RIF1: variants seen among roughly 807,000 people sequenced by gnomAD.
RIF1 encodes the protein telomere-associated protein RIF1.
Under a neutral mutation model 247.1 loss-of-function variants are expected in RIF1, and 45 were observed. That is an observed-to-expected ratio of 0.18 (90% CI 0.14 to 0.23). The LOEUF is 0.23. Ranked by LOEUF, RIF1 falls within the 10% of genes least tolerant of loss-of-function variation. The pLI, the probability that RIF1 is intolerant of heterozygous loss-of-function variation, is 1.00. For missense variants in RIF1, 2,967 were observed against 2,862.5 expected (o/e 1.04, Z -0.83); for synonymous variants, 1,087 against 978.8 (o/e 1.11, Z -2.06).
intron 20 of RIF1, among the ~76,000 whole-genome samples, chr2:151,451,304 G>T (rs905037941): frequency 1.3e-5 from 2 of 152,174 alleles, no homozygotes; most frequent in African/African-American, 4.8e-5. Context: ...ACCTATACAG[G>T]TGCCTAGGCT....
rs766970127 is a variant in RIF1, at chr2:151,474,954, T to C, written c.7302T>C (p.His2434=). Residue 2434 remains histidine, a synonymous_variant, in exon 36 of 36, where the codon CAT becomes CAC. Transcript: ENST00000444746. ...LALQLDSEDL[H]NYSGSQLFEM... ...TTCAGCTGGATTCAGAAGATCTTCA[T>C]AATTATTCAGGAAGCCAACTATTTG... 30 of 1,611,926 alleles carry C rather than the reference T, an allele frequency of 1.9e-5. No homozygotes were observed. The highest frequency in any genetic ancestry group is 2.3e-5 in the Non-Finnish European group (27 of 1,178,204).
chr2:151,471,264 T>C (rs1439048570), intron 34 of RIF1, among the ~76,000 whole-genome samples: 1 of 152,198 alleles, frequency 6.6e-6, no homozygotes, highest in Admixed American at 6.5e-5. Flanking sequence ...AGATTCTGGA[T>C]ATTAGCCTTT....
At chr2:151,490,847 C>T (rs1039962026) in intron 9 of RIF1, among the ~76,000 whole-genome samples, 8 of 152,198 alleles carry the variant, frequency 5.3e-5, no homozygotes, top group African/African-American at 1.7e-4. Flanking sequence ...CACATTCAGA[C>T]TCCATCTTTA....
chr2:151,410,538 C>T lies in RIF1; in HGVS notation c.104+11C>T, dbSNP rs761972633. 6.2e-6 allele frequency: 10 copies of T among 1,608,412 alleles called. No homozygotes were observed. The South Asian group carries it at 8.8e-5, about 14-fold the overall frequency. On this transcript the variant is annotated intron_variant, in intron 2 of 35. Transcript: ENST00000444746. ...CCTGACTCTGACCAGGTGAGGTCCG[C>T]CACGGGGCGTAGCGGAGAGTGGGGC...
rs139632537 is a variant in RIF1, at chr2:151,476,115, T to C, written c.*1044T>C. On this transcript the variant is annotated 3_prime_UTR_variant, in exon 36 of 36. Transcript: ENST00000444746. ...TTCATACCCTTACCTTCTTACTACT[T>C]TTGGTTTGGAGGAGGGTATCACCAC... 6.6e-6 allele frequency: 1 copy of C among 152,060 alleles called. No homozygotes were observed. Among genetic ancestry groups the C allele is most frequent in the Non-Finnish European group, 1.5e-5 (1 of 68,006 alleles). 9.4% of individuals were successfully genotyped at this position (152,060 alleles called of 1,614,324 possible). A position where few individuals can be genotyped will look rare whatever the true frequency, so the allele number is the denominator to read the frequency against.
chr2:151,443,174 A>C (rs1372325773), intron 16 of RIF1, 85 bp from the exon 17 acceptor site: 2 of 890,972 alleles, frequency 2.2e-6, no homozygotes, highest in African/African-American at 3.4e-5. Flanking sequence ...ATGCTAAAAC[A>C]ATTTTATTTC....
chr2:151,452,946 G>T (rs1414840230), intron 21 of RIF1, among the ~76,000 whole-genome samples: 1 of 152,164 alleles, frequency 6.6e-6, no homozygotes. Context: ...TAAAATTTGG[G>T]TAATGGGGAG....
intron 10 of RIF1, chr2:151,496,924 T>C (rs956944109): frequency 1.9e-6 from 3 of 1,548,276 alleles, no homozygotes; most frequent in Non-Finnish European, 2.6e-6. Context: ...AGTTTTTTTC[T>C]TTTCTTGCCC....
At chr2:151,493,100 T>G in intron 9 of RIF1, 1 of 407,886 alleles carries the variant, frequency 2.5e-6, no homozygotes. Flanking sequence ...AGGAAAACAT[T>G]GGCAATTAAC....
chr2:151,463,336 T>C lies in RIF1; in HGVS notation c.3816T>C (p.Phe1272=). 1 of 1,613,828 alleles carries C rather than the reference T, an allele frequency of 6.2e-7. No homozygotes were observed. The highest frequency in any genetic ancestry group is 8.5e-7 in the Non-Finnish European group (1 of 1,179,944). ...LPKAKQREGT[F]SKSDSEKIVN... ...AAGCAAAGCAAAGAGAAGGGACTTT[T>C]TCAAAATCTGATTCTGAAAAAATAG... is the stretch of plus-strand genomic sequence containing the variant. The change falls in exon 30 of 36, where the codon TTT becomes TTC. Residue 1272 remains phenylalanine (F), a synonymous_variant. Coordinates refer to ENST00000444746, the MANE Select transcript of RIF1 (RefSeq NM_018151.5).
Position 151,463,063 on chromosome 2 carries a change from G to A in RIF1, c.3543G>A (p.Arg1181=). Residue 1181 remains arginine (R), a synonymous_variant, in exon 30 of 36, where the codon AGG becomes AGA. Coordinates refer to ENST00000444746, the MANE Select transcript of RIF1 (RefSeq NM_018151.5). ...GAAAAAAAGCTTTAATTTCATCAAG[G>A]AAAACATCAACTGAATGTGCATCTA... is the stretch of plus-strand genomic sequence containing the variant. ...DERKKALISS[R]KTSTECASST... is the part of the protein sequence containing the mutation. 2 of 1,613,870 alleles carry A rather than the reference G, an allele frequency of 1.2e-6. No individual in the cohort carries two copies. The highest frequency in any genetic ancestry group is 1.7e-6 in the Non-Finnish European group (2 of 1,179,932).
rs146171124 is a variant in RIF1 at position 151,456,602 on chromosome 2, T to C, written c.2634T>C (p.Tyr878=). The part of the protein sequence containing the change: ...NSKLDEVPKV[Y]SCLNNKLEKL... ...GGCTTGATGAAGTTCCTAAAGTATA[T>C]AGTTGTCTGAACAACAAGGTAAAAA... Residue 878 remains tyrosine (Y), a synonymous_variant, in exon 23 of 36, where the codon TAT becomes TAC. Coordinates refer to ENST00000444746, the MANE Select transcript of RIF1 (RefSeq NM_018151.5). The C allele has an allele frequency of 2.0e-6, 3 of 1,523,274 alleles. No homozygotes were observed. The African/African-American group carries it at 4.2e-5, about 21-fold the overall frequency. The allele number at this position is 1,523,274 out of a possible 1,614,324, so 94.4% of individuals were successfully genotyped here. A position where few individuals can be genotyped will look rare whatever the true frequency, so the allele number is the denominator to read the frequency against.
chr2:151,496,352 T>C, intron 10 of RIF1: 2 of 1,610,110 alleles, frequency 1.2e-6, no homozygotes, highest in Non-Finnish European at 1.7e-6. Flanking sequence ...CTTGCCCATG[T>C]TTTCTTTGTA....
In RIF1 at chr2:151,437,300, C is replaced by T. The variant is rs747173301; in HGVS notation, c.1432C>T (p.Leu478Phe). ...CTTTTTTTCCAAACATGCAAATACA[C>T]TTATCACTGCTGTTCATGATAGCTT... ...PSFFSKHANT[L>F]ITAVHDSFVA... The change falls in exon 13 of 36, where the codon CTT becomes TTT. Residue 478 changes from leucine to phenylalanine, a missense_variant. Leu to Phe is a conservative substitution (Grantham distance 22). Around this residue, in one of 7 missense-constraint regions of RIF1, gnomAD observed 369 missense variants for 322.0 expected, o/e 1.15. Transcript: ENST00000444746. The T allele has an allele frequency of 4.3e-6, 7 of 1,613,880 alleles. No homozygotes were observed. In the Admixed American group the frequency reaches 5.0e-5, roughly 12 times the overall value.
intron 10 of RIF1, among the ~76,000 whole-genome samples, chr2:151,434,395 C>T (rs967063572): frequency 6.6e-6 from 1 of 150,622 alleles, no homozygotes; most frequent in Non-Finnish European, 1.5e-5. Flanking sequence ...TTAACCTAAA[C>T]CTTTTGAGTT....
rs147600742 is a variant in RIF1, at chr2:151,477,335, A to C, written c.*2264A>C. 2 of 152,340 alleles carry C rather than the reference A, an allele frequency of 1.3e-5. No homozygotes were observed. Among genetic ancestry groups the C allele is most frequent in the East Asian group, 3.9e-4 (2 of 5,188 alleles). The allele number at this position is 152,340 out of a possible 1,614,324, so 9.4% of individuals were successfully genotyped here. A position where few individuals can be genotyped will look rare whatever the true frequency, so the allele number is the denominator to read the frequency against. ...TGGTTAATAAAACAAATGTCAGATCATAATAACACTCAAATGTGTCTTAAT... is the reference window on the plus strand; with the variant it reads ...TGGTTAATAAAACAAATGTCAGATCCTAATAACACTCAAATGTGTCTTAAT... On this transcript the variant is annotated 3_prime_UTR_variant, in exon 36 of 36. Transcript: ENST00000444746.
chr2:151,416,767 C>T, intron 5 of RIF1, 40 bp from the exon 6 acceptor site: 3 of 1,601,034 alleles, frequency 1.9e-6, no homozygotes, highest in Non-Finnish European at 2.6e-6. Flanking sequence ...AAAAACAGTT[C>T]AGGCTTATTT....
chr2:151,524,654 C>CTTTTT, the RIF1 span: 353 of 257,358 alleles, frequency 1.4e-3, 19 homozygotes, highest in African/African-American at 5.2e-3. Context: ...AAGAGAGAGG[C>CTTTTT]TTTTTTTTTT....
Position 151,475,166 on chromosome 2 carries a change from G to A in RIF1, c.*95G>A. 1.2e-6 allele frequency: 1 copy of A among 857,256 alleles called. No homozygotes were observed. The highest frequency in any genetic ancestry group is 1.7e-5 in the African/African-American group (1 of 59,230). 53.1% of individuals were successfully genotyped at this position (857,256 alleles called of 1,614,324 possible). ...AATAATAGCACAATTTCAAAGAAGA[G>A]ACTCTTTGCAAAGTTGATAACATTT... On this transcript the variant is annotated 3_prime_UTR_variant, in exon 36 of 36. Coordinates refer to ENST00000444746, the MANE Select transcript of RIF1 (RefSeq NM_018151.5).
Sources: allele counts gnomAD v4.1 joint callset (sites outside exome capture counted in the v4.1 genomes callset), GRCh38; gene constraint gnomAD v4.1.1; regional missense constraint gnomAD v4.1.1; transcripts MANE v1.5; gene names NCBI Gene and HGNC (gene_info 2026-07-23, HGNC 2026-07-21).